MYH10: variants seen among roughly 807,000 people sequenced by gnomAD.
MYH10 encodes myosin heavy chain 10.
In MYH10, 55 loss-of-function variants were observed where a neutral mutation model predicts 257.8. The observed-to-expected ratio is 0.21, with a 90% CI of 0.17 to 0.27. The LOEUF is 0.27. Ranked by LOEUF, MYH10 falls within the 10% of genes least tolerant of loss-of-function variation. The pLI, the probability that MYH10 is intolerant of heterozygous loss-of-function variation, is 1.00. For synonymous variants in MYH10, 854 were observed against 921.7 expected (o/e 0.93, Z 1.33); for missense variants, 1,631 against 2,500.6 (o/e 0.65, Z 7.42).
At chr17:8,499,601 T>TACA in intron 29 of MYH10, 125 bp from the exon 30 acceptor site, 2 of 803,864 alleles carry the variant, frequency 2.5e-6, no homozygotes, top group Non-Finnish European at 4.0e-6. Flanking sequence ...ATCTGTTGAA[T>TACA]GAATGAATGA....
intron 27 of MYH10, 98 bp from the exon 28 acceptor site, chr17:8,505,004 C>A (rs936117484): frequency 1.0e-6 from 1 of 954,020 alleles, no homozygotes; most frequent in East Asian, 2.4e-5. Context: ...TCCACGAGAC[C>A]CCAGCCCCAC....
chr17:8,514,708 C>A (rs1160672237), intron 21 of MYH10, among the ~76,000 whole-genome samples: 40 of 152,064 alleles, frequency 2.6e-4, no homozygotes, highest in Non-Finnish European at 2.9e-5. Flanking sequence ...TGACATTTTT[C>A]TACTCCTTAT....
At chr17:8,488,274 CTG>C (rs1262081208) in intron 35 of MYH10, among the ~76,000 whole-genome samples, 1 of 152,150 alleles carries the variant, frequency 6.6e-6, no homozygotes, top group Non-Finnish European at 1.5e-5. Flanking sequence ...TGTGCTCACA[CTG>C]TGTGAGGGAT....
chr17:8,492,575 A>G (rs1001669244), intron 33 of MYH10, 66 bp from the exon 34 acceptor site: 40 of 1,491,782 alleles, frequency 2.7e-5, no homozygotes, highest in African/African-American at 1.4e-4. Context: ...CTCTTCCACC[A>G]TGTGGCTGAT....
chr17:8,586,117 C>T (rs758056269), intron 4 of MYH10, among the ~76,000 whole-genome samples: 53 of 152,296 alleles, frequency 3.5e-4, no homozygotes, highest in Admixed American at 1.0e-3. Context: ...CCTTTAGCAC[C>T]GAACAGAGTG....
intron 17 of MYH10, among the ~76,000 whole-genome samples, chr17:8,525,385 C>T (rs939289453): frequency 6.6e-6 from 1 of 152,242 alleles, no homozygotes; most frequent in Non-Finnish European, 1.5e-5. Flanking sequence ...TACTCAGGGC[C>T]CCGAAAGCTG....
chr17:8,517,762 A>T (rs1299719792), intron 21 of MYH10, among the ~76,000 whole-genome samples: 1 of 151,470 alleles, frequency 6.6e-6, no homozygotes, highest in Admixed American at 6.6e-5. Context: ...CCCTCACTGC[A>T]CTCCTAACCC....
At chr17:8,627,715 G>C (rs765931242) in intron 1 of MYH10, among the ~76,000 whole-genome samples, 1 of 152,190 alleles carries the variant, frequency 6.6e-6, no homozygotes, top group East Asian at 1.9e-4. Flanking sequence ...CCAGTGATTT[G>C]CTTTGCAGGA....
At chr17:8,607,555 T>C (rs925570641) in intron 2 of MYH10, among the ~76,000 whole-genome samples, 4 of 152,242 alleles carry the variant, frequency 2.6e-5, no homozygotes, top group African/African-American at 9.6e-5. Context: ...AGCTAACTTC[T>C]AACTACCTAA....
At chr17:8,556,817 G>A (rs2082818454) in intron 7 of MYH10, among the ~76,000 whole-genome samples, 2 of 152,166 alleles carry the variant, frequency 1.3e-5, no homozygotes, top group Non-Finnish European at 2.9e-5. Context: ...CTAGATAAAT[G>A]CCAATTTTAA....
At chr17:8,521,361 G>C (rs762642108) in intron 17 of MYH10, 76 bp from the exon 18 acceptor site, 44 of 1,456,998 alleles carry the variant, frequency 3.0e-5, no homozygotes, top group Middle Eastern at 3.5e-4. Flanking sequence ...CACAGTGAAA[G>C]TGCAGCAGCA....
chr17:8,579,303 T>C (rs1447143753), intron 4 of MYH10, among the ~76,000 whole-genome samples: 2 of 152,090 alleles, frequency 1.3e-5, no homozygotes, highest in Non-Finnish European at 2.9e-5. Context: ...ATTGTACTAT[T>C]TGAAGTGTCC....
At position 8,518,903 on chromosome 17, in the gene MYH10, C is replaced by T; in HGVS notation, c.2321G>A (p.Gly774Asp). ...PNAIPKGFMD[G>D]KQACERMIRA... ...TACCATTCGTTCACAGGCCTGTTTACCATCCATAAAACCTTTAGGAATAGC... is the reference window on the plus strand; with the variant it reads ...TACCATTCGTTCACAGGCCTGTTTATCATCCATAAAACCTTTAGGAATAGC... The change falls in exon 20 of 43, where the codon GGT becomes GAT. Residue 774 changes from glycine to aspartate, a missense_variant. Gly to Asp is a moderately conservative substitution (Grantham distance 94). This residue lies in a region of MYH10 where 116 missense variants were observed against 221.6 expected (regional missense o/e 0.52). Coordinates refer to ENST00000360416, the MANE Select transcript of MYH10 (RefSeq NM_001256012.3). 1 of 1,610,194 alleles carries T rather than the reference C, an allele frequency of 6.2e-7. No homozygotes were observed. The highest frequency in any genetic ancestry group is 8.5e-7 in the Non-Finnish European group (1 of 1,177,520).
At chr17:8,494,963 A>G (rs1916356228) in intron 31 of MYH10, among the ~76,000 whole-genome samples, 174 bp downstream of exon 31, 1 of 152,214 alleles carries the variant, frequency 6.6e-6, no homozygotes, top group African/African-American at 2.4e-5. Flanking sequence ...CTACATCAAG[A>G]CACTGAGCTT....
At chr17:8,478,264 C>A in intron 41 of MYH10, 74 bp downstream of exon 41, 3 of 1,280,816 alleles carry the variant, frequency 2.3e-6, no homozygotes, top group South Asian at 2.4e-5. Context: ...TTCCACTGGT[C>A]AGTTGTGCCA....
intron 7 of MYH10, among the ~76,000 whole-genome samples, chr17:8,567,756 AT>A (rs2083209422): frequency 6.6e-6 from 1 of 152,182 alleles, no homozygotes. Flanking sequence ...AACCAACTCC[AT>A]TTTTGTTTAA....
chr17:8,486,537 T>G (rs940535721), intron 36 of MYH10, among the ~76,000 whole-genome samples: 1 of 89,822 alleles, frequency 1.1e-5, no homozygotes, highest in African/African-American at 4.7e-5. Flanking sequence ...TCTTTATATT[T>G]AGCTTCAAAA....
At chr17:8,500,006 C>CG (rs1917267170) in intron 29 of MYH10, among the ~76,000 whole-genome samples, 1 of 152,166 alleles carries the variant, frequency 6.6e-6, no homozygotes, top group Admixed American at 6.5e-5. Flanking sequence ...TACCTAACAC[C>CG]ACTGGACCTC....
At chr17:8,527,929 C>T (rs548019636) in intron 17 of MYH10, among the ~76,000 whole-genome samples, 6 of 152,320 alleles carry the variant, frequency 3.9e-5, no homozygotes, top group African/African-American at 1.2e-4. Context: ...AATTTAAACA[C>T]GTAAACTATG....
Sources: gnomAD v4.1 joint callset for allele counts (sites outside exome capture counted in the v4.1 genomes callset) on GRCh38, gnomAD v4.1.1 for gene constraint, gnomAD v4.1.1 regional missense constraint, MANE v1.5 for transcripts, NCBI Gene and HGNC (gene_info 2026-07-23, HGNC 2026-07-21) for gene names.